DIS3: variants seen among roughly 807,000 people sequenced by gnomAD.
The protein encoded by DIS3 is exosome complex exonuclease RRP44.
Under a neutral mutation model 113.0 loss-of-function variants are expected in DIS3, and 103 were observed. The observed-to-expected ratio is 0.91, with a 90% CI of 0.78 to 1.07. The LOEUF (loss-of-function observed/expected upper bound fraction) is 1.07, where lower values mean the gene tolerates loss of function less well. Among genes scored for constraint, DIS3 ranks in the 50% least tolerant of loss-of-function variants. The probability of loss-of-function intolerance (pLI) is 0.00; values close to 1 mark genes in which losing one functional copy is unlikely to be tolerated. For synonymous variants in DIS3, 402 were observed against 394.3 expected, an observed-to-expected ratio of 1.02 and a Z score of -0.23; for missense variants, 1,121 against 1,167.1, an observed-to-expected ratio of 0.96 and a Z score of 0.58.
chr13:72,778,822 CATTA>C (rs1462057917), intron 2 of DIS3, among the ~76,000 whole-genome samples: 2 of 152,070 alleles, frequency 1.3e-5, no homozygotes, highest in African/African-American at 2.4e-5. Flanking sequence ...ATTCTACAGT[CATTA>C]ATAAATAATG....
chr13:72,764,556 G>C (rs535652121), intron 15 of DIS3, among the ~76,000 whole-genome samples: 1 of 152,192 alleles, frequency 6.6e-6, no homozygotes, highest in East Asian at 1.9e-4. Context: ...CACACAATCT[G>C]ACTTCAAAAC....
rs1566255594 is a variant in DIS3 at position 72,781,130 on chromosome 13, A to T, written c.229-127T>A. ...AAAACACTGAATAAGTTAAGCCAAGAAGCTATTTGGCTATAGAAAACGAGA... is the reference window on the plus strand; with the variant it reads ...AAAACACTGAATAAGTTAAGCCAAGTAGCTATTTGGCTATAGAAAACGAGA... On this transcript the variant is annotated intron_variant, in intron 1 of 20. Transcript: ENST00000377767. 5 of 1,330,956 alleles carry T rather than the reference A, an allele frequency of 3.8e-6. No homozygotes were observed. The Admixed American group carries it at 6.9e-5, about 18-fold the overall frequency. 82.4% of individuals were successfully genotyped at this position (1,330,956 alleles called of 1,614,324 possible).
Position 72,763,569 on chromosome 13 carries a change from G to C in DIS3, c.2009C>G (p.Ala670Gly), listed in dbSNP as rs753367964. The C allele has an allele frequency of 3.1e-6, 5 of 1,613,074 alleles. No homozygotes were observed. The highest frequency in any genetic ancestry group is 4.2e-6 in the Non-Finnish European group (5 of 1,179,754). ...AATTTTTTTTGCAACAGAAATATTG[G>C]CAAGTAACATAAATTCTTCAACCAT... ...NSMVEEFMLL[A>G]NISVAKKIHE... Residue 670 changes from alanine (A) to glycine (G), a missense_variant, in exon 16 of 21, where the codon GCC becomes GGC. Transcript: ENST00000377767.
rs879253350 is a variant in DIS3, at chr13:72,778,103, A to G, written c.580+84T>C. 5.1e-5 allele frequency: 61 copies of G among 1,193,536 alleles called. 1 individual carries two copies. In the South Asian group the frequency reaches 1.1e-3, roughly 22 times the overall value. The allele number at this position is 1,193,536 out of a possible 1,614,324, so 73.9% of individuals were successfully genotyped here. On this transcript the variant is annotated intron_variant, in intron 3 of 20. Coordinates refer to ENST00000377767, the MANE Select transcript of DIS3 (RefSeq NM_014953.5). ...AGGACTACGAAAATACTAAATAGTA[A>G]AGTGAACATCTGACTATAGGCCTAA...
chr13:72,777,121 C>G (rs1192511541), intron 4 of DIS3, among the ~76,000 whole-genome samples: 1 of 152,212 alleles, frequency 6.6e-6, no homozygotes, highest in Non-Finnish European at 1.5e-5. Flanking sequence ...CATTTGTCAG[C>G]AGCTACTCTT....
intron 2 of DIS3, among the ~76,000 whole-genome samples, chr13:72,779,250 G>C (rs550310728): frequency 2.5e-4 from 38 of 151,726 alleles, no homozygotes; most frequent in African/African-American, 8.2e-4. Context: ...CTCGCAAGTA[G>C]CTGGGACTAG....
At position 72,759,714 on chromosome 13, in the gene DIS3, C is replaced by A; in HGVS notation, c.*81G>T. The A allele has an allele frequency of 9.4e-7, 1 of 1,059,062 alleles. No individual in the cohort carries two copies. The highest frequency in any genetic ancestry group is 1.4e-6 in the Non-Finnish European group (1 of 715,948). 65.6% of individuals were successfully genotyped at this position (1,059,062 alleles called of 1,614,324 possible). On this transcript the variant is annotated 3_prime_UTR_variant, in exon 21 of 21. Transcript: ENST00000377767. ...TACTTAAAAGTAACAAACTGTATCA[C>A]ACACTTAGGCTTAGAAGTGTTCTTT...
rs755323785 is a variant in DIS3 at position 72,755,563 on chromosome 13, G to C, written c.*4232C>G. ...GTAGCACTGAATTTAGCAGTTCTGA[G>C]AACATGTGAAACTATGTTAAAACTG... On this transcript the variant is annotated 3_prime_UTR_variant, in exon 21 of 21. Coordinates refer to ENST00000377767, the MANE Select transcript of DIS3 (RefSeq NM_014953.5). 3.0e-6 allele frequency: 1 copy of C among 332,968 alleles called. No homozygotes were observed. The highest frequency in any genetic ancestry group is 5.4e-6 in the Non-Finnish European group (1 of 186,482). The allele number at this position is 332,968 out of a possible 1,614,324, so 20.6% of individuals were successfully genotyped here.
chr13:72,781,364 A>C, intron 1 of DIS3: 1 of 1,550,906 alleles, frequency 6.4e-7, no homozygotes, highest in Non-Finnish European at 8.7e-7. Flanking sequence ...AATCTAAGGC[A>C]GAAGAGACAC....
rs2033776255 is a variant in DIS3, at chr13:72,767,409, A to G, written c.1884-1351T>C. Reference sequence around the variant, plus strand: ...CTTTGTGGTGTTTTGTGTCACACAAAAAAATTCAATTATCTTCTTCTTATA... The same window carrying G: ...CTTTGTGGTGTTTTGTGTCACACAAGAAAATTCAATTATCTTCTTCTTATA... On this transcript the variant is annotated intron_variant, in intron 14 of 20. Transcript: ENST00000377767. Among the ~76,000 whole-genome samples, 3 of 152,228 alleles carry G rather than the reference A, an allele frequency of 2.0e-5. No individual in the cohort carries two copies. In the South Asian group the frequency reaches 6.2e-4, roughly 31 times the overall value.
At chr13:72,764,719 T>C (rs960962993) in intron 15 of DIS3, among the ~76,000 whole-genome samples, 4 of 152,204 alleles carry the variant, frequency 2.6e-5, no homozygotes, top group African/African-American at 9.7e-5. Context: ...TTAAGTTTCA[T>C]CTTGTAACTT....
In DIS3 at chr13:72,756,062, A is replaced by C. The variant is rs565457144; in HGVS notation, c.*3733T>G. The stretch of plus-strand genomic sequence containing the variant: ...TTATATACAACTATTTTTTTAAAAA[A>C]CTTATATCCATGTTGGGAGTAGATG... On this transcript the variant is annotated 3_prime_UTR_variant, in exon 21 of 21. Transcript: ENST00000377767. 3.5e-5 allele frequency: 14 copies of C among 395,738 alleles called. No individual in the cohort carries two copies. The highest frequency in any genetic ancestry group is 2.6e-4 in the South Asian group (2 of 7,622). The allele number at this position is 395,738 out of a possible 1,614,324, so 24.5% of individuals were successfully genotyped here. A position where few individuals can be genotyped will look rare whatever the true frequency, so the allele number is the denominator to read the frequency against.
Position 72,773,690 on chromosome 13 carries a change from A to G in DIS3, c.1233T>C (p.Tyr411=), listed in dbSNP as rs752351869. The G allele has an allele frequency of 1.9e-6, 3 of 1,608,954 alleles. No individual in the cohort carries two copies. Among genetic ancestry groups the G allele is most frequent in the Non-Finnish European group, 2.5e-6 (3 of 1,178,854 alleles). Residue 411 remains tyrosine, a synonymous_variant, in exon 8 of 21, where the codon TAT becomes TAC. Transcript: ENST00000377767. The part of the protein sequence containing the change: ...AIDGWPRNSR[Y]PNGHFVRNLG... Reference sequence around the variant, plus strand: ...ATTAATACTTTAAGCTTACATTTGGATATCTGGAATTTCTGGGCCAACCAT... The same window carrying G: ...ATTAATACTTTAAGCTTACATTTGGGTATCTGGAATTTCTGGGCCAACCAT...
At chr13:72,777,876 A>T (rs2034055956) in intron 3 of DIS3, among the ~76,000 whole-genome samples, 1 of 151,894 alleles carries the variant, frequency 6.6e-6, no homozygotes, top group African/African-American at 2.4e-5. Flanking sequence ...ACCTGGCCTC[A>T]ATTTATTTAA....
chr13:72,771,715 A>T (rs919520914), intron 11 of DIS3, 80 bp downstream of exon 11: 1 of 1,379,692 alleles, frequency 7.2e-7, no homozygotes, highest in Non-Finnish European at 1.0e-6. Flanking sequence ...TATTCCATGT[A>T]TTTTTCTTAG....
At position 72,765,974 on chromosome 13, in the gene DIS3, A is replaced by G. The variant is rs2033735469; in HGVS notation, c.1968T>C (p.Leu656=). ...HDPIDLQTKE[L]RETNSMVEEF... is the part of the protein sequence containing the mutation. ...TGCCCATCAAAAAAATTACAAACCTAAGTTCCTTGGTCTGCAGATCTATAG... is the reference window on the plus strand; with the variant it reads ...TGCCCATCAAAAAAATTACAAACCTGAGTTCCTTGGTCTGCAGATCTATAG... The change falls in exon 15 of 21, where the codon CTT becomes CTC. Residue 656 remains leucine (L), a splice_region_variant and synonymous_variant. Coordinates refer to ENST00000377767, the MANE Select transcript of DIS3 (RefSeq NM_014953.5). 2 of 1,599,216 alleles carry G rather than the reference A, an allele frequency of 1.3e-6. No homozygotes were observed. Among genetic ancestry groups the G allele is most frequent in the African/African-American group, 1.3e-5 (1 of 74,256 alleles).
In DIS3 at chr13:72,781,429, A is replaced by T. The variant is rs903083120; in HGVS notation, c.228+176T>A. The T allele has an allele frequency of 8.6e-6, 13 of 1,510,440 alleles. No homozygotes were observed. In the Admixed American group the frequency reaches 1.8e-4, roughly 21 times the overall value. The allele number at this position is 1,510,440 out of a possible 1,614,324, so 93.6% of individuals were successfully genotyped here. ...TACGACTCCAAGAACTAAATTTTTTAAAGCACAAGGAAAAGAACCTCGGCC... is the reference window on the plus strand; with the variant it reads ...TACGACTCCAAGAACTAAATTTTTTTAAGCACAAGGAAAAGAACCTCGGCC... On this transcript the variant is annotated intron_variant, in intron 1 of 20. Transcript: ENST00000377767.
At position 72,755,428 on chromosome 13, in the gene DIS3, T is replaced by C; in HGVS notation, c.*4367A>G. On this transcript the variant is annotated 3_prime_UTR_variant, in exon 21 of 21. Transcript: ENST00000377767. ...TGCTGAATTATAAGTTTATTTTTTATCAATAAATATTTTTATACTTACATT... is the reference window on the plus strand; with the variant it reads ...TGCTGAATTATAAGTTTATTTTTTACCAATAAATATTTTTATACTTACATT... The C allele has an allele frequency of 1.9e-6, 1 of 516,870 alleles. No individual in the cohort carries two copies. The highest frequency in any genetic ancestry group is 3.4e-6 in the Non-Finnish European group (1 of 293,020). 32.0% of individuals were successfully genotyped at this position (516,870 alleles called of 1,614,324 possible). A position where few individuals can be genotyped will look rare whatever the true frequency, so the allele number is the denominator to read the frequency against.
intron 3 of DIS3, 39 bp from the exon 4 acceptor site, chr13:72,777,532 T>C: frequency 6.3e-7 from 1 of 1,575,362 alleles, no homozygotes; most frequent in African/African-American, 1.4e-5. Context: ...ATAAGTGTTT[T>C]TTCCTTAGAT....
Sources: gnomAD v4.1 joint callset for allele counts (sites outside exome capture counted in the v4.1 genomes callset) on GRCh38, gnomAD v4.1.1 for gene constraint, MANE v1.5 for transcripts, NCBI Gene and HGNC (gene_info 2026-07-23, HGNC 2026-07-21) for gene names.